PDZD2: variants seen among roughly 807,000 people sequenced by gnomAD.
PDZD2 encodes PDZ domain containing 2.
Under a neutral mutation model 220.7 loss-of-function variants are expected in PDZD2, and 90 were observed. The ratio of observed to expected loss-of-function variants is 0.41; its 90% CI spans 0.34 to 0.49. The LOEUF (loss-of-function observed/expected upper bound fraction) is 0.49. Ranked by LOEUF, PDZD2 falls within the 20% of genes least tolerant of loss-of-function variation. The pLI is 0.28. For missense variants in PDZD2, 3,174 were observed against 3,608.5 expected (o/e 0.88, Z 3.08); for synonymous variants, 1,375 against 1,450.5 (o/e 0.95, Z 1.18).
At chr5:31,889,304 T>C (rs980180414) in intron 2 of PDZD2, among the ~76,000 whole-genome samples, 3 of 152,208 alleles carry the variant, frequency 2.0e-5, no homozygotes, top group African/African-American at 7.2e-5. Flanking sequence ...GAGGAACAGA[T>C]TGGAGGGGAG....
Position 31,755,030 on chromosome 5 carries a change from TG to T in PDZD2, c.-360-43858del, listed in dbSNP as rs1426504236. Reference sequence around the variant, plus strand: ...TAAAAAGCGCAGAGAAGGATGTTGATGTTGTGTGATGTGGGGCATCCTGCTT... The same window carrying T: ...TAAAAAGCGCAGAGAAGGATGTTGATTTGTGTGATGTGGGGCATCCTGCTT... On this transcript the variant is annotated intron_variant, in intron 1 of 24. Transcript: ENST00000438447. Among the ~76,000 whole-genome samples the T allele has an allele frequency of 3.3e-5, 5 of 152,306 alleles. No homozygotes were observed. In the East Asian group the frequency reaches 9.6e-4, roughly 29 times the overall value.
chr5:32,008,533 G>A (rs1335606080), intron 5 of PDZD2, among the ~76,000 whole-genome samples: 1 of 152,054 alleles, frequency 6.6e-6, no homozygotes. Flanking sequence ...TGATCCACCC[G>A]CCTCGGCCTC....
intron 2 of PDZD2, among the ~76,000 whole-genome samples, chr5:31,901,324 G>A (rs1177761163): frequency 2.6e-5 from 4 of 151,594 alleles, no homozygotes; most frequent in African/African-American, 9.7e-5. Context: ...AGGCTGAGGC[G>A]CAAGAATCGC....
chr5:31,670,766 T>C (rs1202413557), intron 1 of PDZD2, among the ~76,000 whole-genome samples: 1 of 151,604 alleles, frequency 6.6e-6, no homozygotes, highest in Non-Finnish European at 1.5e-5. Flanking sequence ...GGATTTGGGG[T>C]AGGAAGTTTG....
intron 2 of PDZD2, among the ~76,000 whole-genome samples, chr5:31,864,729 C>G (rs1738035618): frequency 6.7e-6 from 1 of 149,192 alleles, no homozygotes; most frequent in Non-Finnish European, 1.5e-5. Context: ...ATTGGCCAGG[C>G]TGGTCTCAAA....
intron 1 of PDZD2, among the ~76,000 whole-genome samples, chr5:31,679,625 A>G (rs1264956505): frequency 6.6e-6 from 1 of 152,200 alleles, no homozygotes; most frequent in Non-Finnish European, 1.5e-5. Flanking sequence ...CTCCTGCCTC[A>G]GCCTCCCTAG....
At chr5:31,725,667 G>T in intron 1 of PDZD2, 1 of 1,027,152 alleles carries the variant, frequency 9.7e-7, no homozygotes, top group Non-Finnish European at 1.5e-6. Flanking sequence ...AGCCAGACTT[G>T]TAATGTGCTT....
intron 1 of PDZD2, among the ~76,000 whole-genome samples, chr5:31,707,158 TG>T (rs1032043643): frequency 8.2e-5 from 2 of 24,424 alleles, no homozygotes; most frequent in Non-Finnish European, 7.3e-5. Flanking sequence ...TGTCATGGGG[TG>T]GGGGGAGGGG....
At chr5:32,084,951 T>TC (rs1742299760) in intron 19 of PDZD2, among the ~76,000 whole-genome samples, 1 of 63,080 alleles carries the variant, frequency 1.6e-5, no homozygotes, top group Non-Finnish European at 3.0e-5. Flanking sequence ...CTGTTGCCTT[T>TC]TTTTTTTTTT....
intron 24 of PDZD2, among the ~76,000 whole-genome samples, chr5:32,105,487 G>A (rs922142899): frequency 2.0e-5 from 3 of 152,140 alleles, no homozygotes; most frequent in Non-Finnish European, 4.4e-5. Flanking sequence ...TACGAAAATG[G>A]AAGCTATGAA....
chr5:31,691,606 C>G (rs932732991), intron 1 of PDZD2, among the ~76,000 whole-genome samples: 1 of 152,034 alleles, frequency 6.6e-6, no homozygotes, highest in Admixed American at 6.6e-5. Flanking sequence ...CTTTTATTCT[C>G]TTATCTGGCC....
At chr5:31,890,750 A>G (rs952738742) in intron 2 of PDZD2, among the ~76,000 whole-genome samples, 7 of 152,178 alleles carry the variant, frequency 4.6e-5, no homozygotes, top group African/African-American at 1.7e-4. Flanking sequence ...TGGGCCCCTA[A>G]ATCCAAGGAG....
intron 24 of PDZD2, 42 bp downstream of exon 24, chr5:32,101,281 A>AT (rs1744236235): frequency 6.6e-7 from 1 of 1,522,982 alleles, no homozygotes; most frequent in Non-Finnish European, 8.8e-7. Flanking sequence ...CTCACCTGTC[A>AT]TTTTTCCATG....
chr5:32,000,129 CT>C lies in PDZD2; in HGVS notation c.1122-7del, dbSNP rs774344061. 8 of 1,613,616 alleles carry C rather than the reference CT, an allele frequency of 5.0e-6. No individual in the cohort carries two copies. The African/African-American group carries it at 1.1e-4, about 22-fold the overall frequency. ...GACAAGGGATCTTTTTCCCATCTCC[CT>C]TTCCTCAGGGATGGCAGGCTGTCCT... On this transcript the variant is annotated splice_polypyrimidine_tract_variant and intron_variant, in intron 4 of 24. Coordinates refer to ENST00000438447, the MANE Select transcript of PDZD2 (RefSeq NM_178140.4). This position sits in a 1 kb window ranked among gnomAD's most constrained non-coding sequence, Gnocchi z 4.5.
At chr5:31,662,695 T>C (rs1316448899) in intron 1 of PDZD2, among the ~76,000 whole-genome samples, 2 of 152,144 alleles carry the variant, frequency 1.3e-5, no homozygotes, top group Non-Finnish European at 2.9e-5. Context: ...AGTGGCGCAA[T>C]CTCAGCTCAC....
chr5:32,100,902 C>T (rs1744193126), intron 23 of PDZD2: 1 of 1,588,596 alleles, frequency 6.3e-7, no homozygotes, highest in East Asian at 2.3e-5. Flanking sequence ...AGCAACACAG[C>T]CAGGAGGGCA....
chr5:31,653,174 C>G (rs1478028132), intron 1 of PDZD2, among the ~76,000 whole-genome samples: 1 of 152,122 alleles, frequency 6.6e-6, no homozygotes, highest in Non-Finnish European at 1.5e-5. Flanking sequence ...TGTACTCCAT[C>G]ACCTGTGAGT....
Position 32,057,685 on chromosome 5 carries a change from C to A in PDZD2, c.1931C>A (p.Pro644Gln). ...GAAATCCTAGATGTAAATGGAATAC[C>A]AATAAAGGGCTTGACATTTCAAGAA... Reference protein sequence around the residue: ...GDEILDVNGIPIKGLTFQEAI... With the variant: ...GDEILDVNGIQIKGLTFQEAI... The change falls in exon 11 of 25, where the codon CCA becomes CAA. Residue 644 changes from proline to glutamine, a missense_variant. Pro to Gln is a moderately conservative substitution (Grantham distance 76). This residue lies in a region of PDZD2 where 1,861 missense variants were observed against 2,001.0 expected (regional missense o/e 0.93). Coordinates refer to ENST00000438447, the MANE Select transcript of PDZD2 (RefSeq NM_178140.4). 6.3e-7 allele frequency: 1 copy of A among 1,592,834 alleles called. No homozygotes were observed. Among genetic ancestry groups the A allele is most frequent in the Non-Finnish European group, 8.6e-7 (1 of 1,161,842 alleles).
At chr5:31,880,764 G>T (rs1739788769) in intron 2 of PDZD2, among the ~76,000 whole-genome samples, 1 of 142,492 alleles carries the variant, frequency 7.0e-6, no homozygotes, top group African/African-American at 2.6e-5. Flanking sequence ...CAGACACAGA[G>T]TAGAAAGGTA....
Sources: gnomAD v4.1 joint callset for allele counts (sites outside exome capture counted in the v4.1 genomes callset) on GRCh38, gnomAD v4.1.1 for gene constraint, gnomAD v4.1.1 regional missense constraint, Gnocchi (gnomAD v3.1) non-coding constraint, MANE v1.5 for transcripts, NCBI Gene and HGNC (gene_info 2026-07-23, HGNC 2026-07-21) for gene names.